AGTPBP1: variants seen among roughly 807,000 people sequenced by gnomAD.
The protein encoded by AGTPBP1 is cytosolic carboxypeptidase 1.
In AGTPBP1, 70 loss-of-function variants were observed where a neutral mutation model predicts 143.9. That is an observed-to-expected ratio of 0.49 (90% CI 0.40 to 0.59). The LOEUF is 0.59. Among genes scored for constraint, AGTPBP1 ranks in the 20% least tolerant of loss-of-function variants. The pLI is 0.00. For synonymous variants in AGTPBP1, 463 were observed against 500.2 expected (o/e 0.93, Z 0.99); for missense variants, 1,229 against 1,464.5 (o/e 0.84, Z 2.62).
chr9:85,634,394 C>T (rs539785411), intron 13 of AGTPBP1, among the ~76,000 whole-genome samples: 13 of 152,058 alleles, frequency 8.5e-5, no homozygotes, highest in African/African-American at 2.9e-4. Flanking sequence ...GCACATAGCT[C>T]CCAGAGTGGA....
chr9:85,747,493 C>T, the AGTPBP1 span, among the ~76,000 whole-genome samples: 2 of 152,148 alleles, frequency 1.3e-5, no homozygotes, highest in Non-Finnish European at 2.9e-5. Context: ...ATTAAATTTC[C>T]TTATCCACGA....
chr9:85,653,716 C>T (rs1833313830), intron 11 of AGTPBP1, among the ~76,000 whole-genome samples: 1 of 152,190 alleles, frequency 6.6e-6, no homozygotes, highest in African/African-American at 2.4e-5. Context: ...ATAATGCATT[C>T]CTAGAAGAGG....
chr9:85,621,081 TTTTA>T (rs1418420269), intron 15 of AGTPBP1, 117 bp downstream of exon 15: 17 of 460,188 alleles, frequency 3.7e-5, no homozygotes, highest in Admixed American at 2.2e-4. Context: ...TTAACTATAT[TTTTA>T]TTTATTATTT....
intron 2 of AGTPBP1, among the ~76,000 whole-genome samples, chr9:85,694,201 C>T (rs1020201032): frequency 6.6e-6 from 1 of 152,196 alleles, no homozygotes; most frequent in Non-Finnish European, 1.5e-5. Flanking sequence ...TTGGCTGGTA[C>T]ATTGAGATTC....
intron 14 of AGTPBP1, among the ~76,000 whole-genome samples, chr9:85,630,354 TTTACTTACTTACAGGATTGAC>T (rs1831577154): frequency 6.6e-6 from 1 of 151,302 alleles, no homozygotes; most frequent in Non-Finnish European, 1.5e-5. Context: ...CCAGGATCAA[TTTACTTACTTACAGGATTGAC>T]TTACTTACTT....
chr9:85,714,578 C>T (rs1837581711), intron 1 of AGTPBP1, among the ~76,000 whole-genome samples: 1 of 152,172 alleles, frequency 6.6e-6, no homozygotes, highest in Non-Finnish European at 1.5e-5. Context: ...AGACCATTTT[C>T]ATTATGGTTG....
At chr9:85,613,726 C>T (rs980596485) in intron 17 of AGTPBP1, among the ~76,000 whole-genome samples, 4 of 151,956 alleles carry the variant, frequency 2.6e-5, no homozygotes, top group African/African-American at 4.8e-5. Context: ...ACATAGGGTG[C>T]AAAAATAAAA....
intron 17 of AGTPBP1, among the ~76,000 whole-genome samples, chr9:85,600,939 G>A (rs920394272): frequency 6.6e-6 from 1 of 152,106 alleles, no homozygotes; most frequent in Non-Finnish European, 1.5e-5. Flanking sequence ...TCATGCATTT[G>A]CACGTGCCCA....
chr9:85,574,594 TTTTCAAAGGAATGCTAAATTAGC>T, intron 25 of AGTPBP1, among the ~76,000 whole-genome samples: 1 of 152,182 alleles, frequency 6.6e-6, no homozygotes, highest in Admixed American at 6.5e-5. Flanking sequence ...TGTAGTTCAA[TTTTCAAAGGAATGCTAAATTAGC>T]TGTTTCTGAT....
intron 1 of AGTPBP1, among the ~76,000 whole-genome samples, chr9:85,717,729 T>G (rs1275985088): frequency 6.6e-6 from 1 of 151,588 alleles, no homozygotes; most frequent in Non-Finnish European, 1.5e-5. Context: ...GTGCACAACG[T>G]GCAGGTTTGT....
the AGTPBP1 span, among the ~76,000 whole-genome samples, chr9:85,768,441 T>C: frequency 6.6e-6 from 1 of 152,302 alleles, no homozygotes; most frequent in South Asian, 2.1e-4. Flanking sequence ...TCCTTCAACA[T>C]AGTTGCTTTT....
At chr9:85,643,924 T>C (rs1359795953) in intron 12 of AGTPBP1, among the ~76,000 whole-genome samples, 1 of 152,184 alleles carries the variant, frequency 6.6e-6, no homozygotes, top group Non-Finnish European at 1.5e-5. Flanking sequence ...GGTACTTATT[T>C]TTAATTTTGT....
chr9:85,604,875 T>C (rs7848947), intron 17 of AGTPBP1, among the ~76,000 whole-genome samples: 28,409 of 151,958 alleles, frequency 0.19, 3,435 homozygotes, highest in East Asian at 0.51. Context: ...AGCGGCAGAA[T>C]TGATCAAGTA....
intron 1 of AGTPBP1, among the ~76,000 whole-genome samples, chr9:85,718,373 A>C (rs945714709): frequency 1.3e-5 from 2 of 152,206 alleles, no homozygotes; most frequent in African/African-American, 4.8e-5. Context: ...AACTGGTATG[A>C]GATGGTATCT....
intron 1 of AGTPBP1, among the ~76,000 whole-genome samples, chr9:85,712,944 C>T (rs1022372850): frequency 6.6e-6 from 1 of 152,190 alleles, no homozygotes; most frequent in African/African-American, 2.4e-5. Flanking sequence ...ACTTACTGTA[C>T]ACCATTCACA....
At chr9:85,637,912 T>G (rs772132895) in intron 13 of AGTPBP1, among the ~76,000 whole-genome samples, 20 of 152,186 alleles carry the variant, frequency 1.3e-4, no homozygotes, top group Non-Finnish European at 2.6e-4. Context: ...CAAGTGCACA[T>G]GCAAGTACAC....
intron 3 of AGTPBP1, among the ~76,000 whole-genome samples, chr9:85,683,597 A>C (rs1038907269): frequency 6.6e-6 from 1 of 152,170 alleles, no homozygotes; most frequent in African/African-American, 2.4e-5. Context: ...ATTCTGCCAC[A>C]ATCTTGGGAG....
chr9:85,623,152 TC>T (rs1831051069), intron 14 of AGTPBP1, among the ~76,000 whole-genome samples: 1 of 152,040 alleles, frequency 6.6e-6, no homozygotes, highest in Non-Finnish European at 1.5e-5. Context: ...ACAGCTTCTG[TC>T]TAAAAACGAG....
chr9:85,642,621 C>T (rs1832556486), intron 13 of AGTPBP1, among the ~76,000 whole-genome samples: 1 of 151,484 alleles, frequency 6.6e-6, no homozygotes, highest in Non-Finnish European at 1.5e-5. Context: ...TGTGAGCCAC[C>T]ACGCCCGGCC....
Sources: allele counts gnomAD v4.1 joint callset (sites outside exome capture counted in the v4.1 genomes callset), GRCh38; gene constraint gnomAD v4.1.1; transcripts MANE v1.5; gene names NCBI Gene and HGNC (gene_info 2026-07-23, HGNC 2026-07-21).